NKAIN3: variants seen among roughly 807,000 people sequenced by gnomAD.
The protein encoded by NKAIN3 is sodium/potassium transporting ATPase interacting 3.
In NKAIN3, 25 loss-of-function variants were observed where a neutral mutation model predicts 30.2. That is an observed-to-expected ratio of 0.83 (90% CI 0.60 to 1.16). The LOEUF (loss-of-function observed/expected upper bound fraction) is 1.16. Among genes scored for constraint, NKAIN3 ranks in the 50% most tolerant of loss-of-function variants. NKAIN3 has a pLI of 0.00. For missense variants in NKAIN3, 225 were observed against 254.1 expected (o/e 0.89, Z 0.78); for synonymous variants, 91 against 89.6 (o/e 1.02, Z -0.09).
At chr8:62,345,376 T>C (rs201957623) in intron 1 of NKAIN3, among the ~76,000 whole-genome samples, 1,029 of 19,120 alleles carry the variant, frequency 0.054, 22 homozygotes, top group Non-Finnish European at 0.16. Flanking sequence ...TATATACACA[T>C]ATATGTATAT....
intron 3 of NKAIN3, among the ~76,000 whole-genome samples, chr8:62,630,492 G>A (rs1307841769): frequency 2.6e-5 from 4 of 152,082 alleles, no homozygotes; most frequent in African/African-American, 9.7e-5. Context: ...CTTAAAGGCT[G>A]ACAGGAGATC....
chr8:62,650,579 A>C (rs953907644), intron 3 of NKAIN3, among the ~76,000 whole-genome samples: 1 of 152,180 alleles, frequency 6.6e-6, no homozygotes, highest in Non-Finnish European at 1.5e-5. Context: ...GATGGGTTTT[A>C]GTGGATCTCA....
At chr8:62,466,472 A>G (rs1806167301) in intron 1 of NKAIN3, among the ~76,000 whole-genome samples, 1 of 152,172 alleles carries the variant, frequency 6.6e-6, no homozygotes, top group African/African-American at 2.4e-5. Flanking sequence ...TGTCTGTGCA[A>G]ATGAGCCATA....
chr8:62,877,467 A>G (rs561008366), intron 4 of NKAIN3, among the ~76,000 whole-genome samples: 46 of 152,320 alleles, frequency 3.0e-4, no homozygotes, highest in African/African-American at 9.9e-4. Flanking sequence ...GGGATGGCAG[A>G]GCACTAGCTG....
At chr8:62,965,203 GC>G (rs993747139) in intron 6 of NKAIN3, among the ~76,000 whole-genome samples, 150 bp from the exon 7 acceptor site, 1 of 152,124 alleles carries the variant, frequency 6.6e-6, no homozygotes, top group African/African-American at 2.4e-5. Context: ...AAGCAGGAAG[GC>G]CCAAGTCTTT....
intron 4 of NKAIN3, chr8:62,863,488 CAA>C: frequency 6.5e-7 from 1 of 1,544,906 alleles, no homozygotes; most frequent in Non-Finnish European, 8.8e-7. Context: ...ACTCTTCAGA[CAA>C]CGTACTGGGT....
chr8:62,770,317 A>T (rs1346951764), intron 4 of NKAIN3, among the ~76,000 whole-genome samples: 1 of 152,194 alleles, frequency 6.6e-6, no homozygotes, highest in Non-Finnish European at 1.5e-5. Flanking sequence ...ATAGCAGAGG[A>T]TAGGAGATTT....
At position 62,974,487 on chromosome 8, in the gene NKAIN3, C is replaced by T. The variant is rs376766800; in HGVS notation, c.*9080C>T. On this transcript the variant is annotated 3_prime_UTR_variant, in exon 7 of 7. Transcript: ENST00000623646. ...TGTCTATTATTGGTGTATAGGAATG[C>T]TTGTGATTTTTGCACATTGATTTTG... Among the ~76,000 whole-genome samples, 3 of 152,224 alleles carry T rather than the reference C, an allele frequency of 2.0e-5. No individual in the cohort carries two copies. Among genetic ancestry groups the T allele is most frequent in the East Asian group, 3.9e-4 (2 of 5,180 alleles).
chr8:62,594,342 C>T (rs1165439692), intron 3 of NKAIN3, among the ~76,000 whole-genome samples: 1 of 152,054 alleles, frequency 6.6e-6, no homozygotes, highest in African/African-American at 2.4e-5. Context: ...TTGGCCATCT[C>T]TCCAGGAAAT....
chr8:62,511,532 C>A lies in NKAIN3; in HGVS notation c.55-68007C>A, dbSNP rs562321589. Among the ~76,000 whole-genome samples the A allele has an allele frequency of 3.3e-5, 5 of 152,244 alleles. No individual in the cohort carries two copies. In the South Asian group the frequency reaches 1.0e-3, roughly 32 times the overall value. ...TAAACAATAGTGGTGTGATGACTATCCTCTGCCCAAAATCTTTCCAAGGGT... is the reference window on the plus strand; with the variant it reads ...TAAACAATAGTGGTGTGATGACTATACTCTGCCCAAAATCTTTCCAAGGGT... On this transcript the variant is annotated intron_variant, in intron 1 of 6. Coordinates refer to ENST00000623646, the MANE Select transcript of NKAIN3 (RefSeq NM_001304533.3).
At chr8:62,500,463 A>AAGAAAG (rs1807399818) in intron 1 of NKAIN3, among the ~76,000 whole-genome samples, 1 of 142,920 alleles carries the variant, frequency 7.0e-6, no homozygotes, top group Non-Finnish European at 1.5e-5. Flanking sequence ...GAAAGAAAGA[A>AAGAAAG]AGAAAGAAAG....
intron 1 of NKAIN3, among the ~76,000 whole-genome samples, chr8:62,281,035 G>A (rs1813162814): frequency 6.6e-6 from 1 of 152,034 alleles, no homozygotes. Flanking sequence ...TCTATTAATT[G>A]TTGCCTCAAT....
chr8:62,712,230 G>A (rs1466484319), intron 3 of NKAIN3, among the ~76,000 whole-genome samples: 3 of 152,154 alleles, frequency 2.0e-5, no homozygotes, highest in African/African-American at 2.4e-5. Context: ...CGAGGAGGTG[G>A]CACTTTCCAG....
chr8:62,492,099 C>T (rs141192630), intron 1 of NKAIN3, among the ~76,000 whole-genome samples: 1 of 152,100 alleles, frequency 6.6e-6, no homozygotes, highest in African/African-American at 2.4e-5. Flanking sequence ...ACAAAAATGA[C>T]AGGTGAAGTG....
At chr8:62,723,900 C>T (rs756581343) in intron 3 of NKAIN3, among the ~76,000 whole-genome samples, 4 of 152,068 alleles carry the variant, frequency 2.6e-5, no homozygotes, top group African/African-American at 7.2e-5. Context: ...GACATTTAAA[C>T]GAAAATGCTT....
chr8:62,776,982 A>G (rs1220470086), intron 4 of NKAIN3, among the ~76,000 whole-genome samples: 3 of 152,128 alleles, frequency 2.0e-5, no homozygotes, highest in Non-Finnish European at 4.4e-5. Context: ...ATACTCTTCT[A>G]TGGTGAAAGC....
chr8:62,661,557 T>C (rs901216886), intron 3 of NKAIN3, among the ~76,000 whole-genome samples: 5 of 152,200 alleles, frequency 3.3e-5, no homozygotes, highest in Admixed American at 2.6e-4. Context: ...CTCTACTGGG[T>C]AAGTAGTCTG....
intron 3 of NKAIN3, among the ~76,000 whole-genome samples, chr8:62,631,001 G>A (rs1397805941): frequency 6.6e-6 from 1 of 152,020 alleles, no homozygotes; most frequent in Non-Finnish European, 1.5e-5. Context: ...CGTTTTTACT[G>A]TTTCCATTTC....
At chr8:62,617,857 T>C (rs568719812) in intron 3 of NKAIN3, among the ~76,000 whole-genome samples, 1 of 152,202 alleles carries the variant, frequency 6.6e-6, no homozygotes, top group Admixed American at 6.5e-5. Context: ...CTGTCTTATC[T>C]AGGCAGAGGG....
Sources: allele counts gnomAD v4.1 joint callset (sites outside exome capture counted in the v4.1 genomes callset), GRCh38; gene constraint gnomAD v4.1.1; transcripts MANE v1.5; gene names NCBI Gene and HGNC (gene_info 2026-07-23, HGNC 2026-07-21).